Variants in ST6GALNAC3 observed in about 807,000 individuals in gnomAD.
The protein encoded by ST6GALNAC3 is ST6 N-acetylgalactosaminide alpha-2,6-sialyltransferase 3, also known as alpha-N-acetylgalactosaminide alpha-2,6-sialyltransferase 3.
Under a neutral mutation model 32.7 loss-of-function variants are expected in ST6GALNAC3, and 25 were observed. That is an observed-to-expected ratio of 0.76 (90% CI 0.56 to 1.07). The LOEUF (loss-of-function observed/expected upper bound fraction) is 1.07. ST6GALNAC3 is among the 50% of genes least tolerant of loss of function. The pLI is 0.00. For missense variants in ST6GALNAC3, 355 were observed against 382.4 expected (o/e 0.93, Z 0.60); for synonymous variants, 129 against 133.1 (o/e 0.97, Z 0.21).
chr1:76,343,962 C>T (rs1435940609), intron 2 of ST6GALNAC3, among the ~76,000 whole-genome samples: 1 of 152,142 alleles, frequency 6.6e-6, no homozygotes, highest in Non-Finnish European at 1.5e-5. Context: ...CACTAGATGT[C>T]AGGCATTGAG....
intron 1 of ST6GALNAC3, among the ~76,000 whole-genome samples, chr1:76,312,734 G>A (rs1391403644): frequency 6.6e-6 from 1 of 152,106 alleles, no homozygotes; most frequent in South Asian, 2.1e-4. Flanking sequence ...ACTTAGTATA[G>A]ATGTATTAGC....
At chr1:76,430,890 T>A (rs1655705919) in intron 3 of ST6GALNAC3, among the ~76,000 whole-genome samples, 1 of 152,220 alleles carries the variant, frequency 6.6e-6, no homozygotes, top group Admixed American at 6.5e-5. Flanking sequence ...TGCCTGGAGC[T>A]GATTTCATAC....
At chr1:76,289,478 C>T (rs9437408) in intron 1 of ST6GALNAC3, among the ~76,000 whole-genome samples, 1 of 151,954 alleles carries the variant, frequency 6.6e-6, no homozygotes, top group Non-Finnish European at 1.5e-5. Context: ...AGTTAGCTTA[C>T]ATCATGGGTT....
At position 76,591,456 on chromosome 1, in the gene ST6GALNAC3, G is replaced by T. The variant is rs1271043686; in HGVS notation, c.624-35996G>T. ...GATGTGCCTGTATTTTTTCCAGAGA[G>T]CCCAGGGCAAGTGTGTATGATGCAG... On this transcript the variant is annotated intron_variant, in intron 3 of 4. Coordinates refer to ENST00000328299, the MANE Select transcript of ST6GALNAC3 (RefSeq NM_152996.4). Among the ~76,000 whole-genome samples the T allele has an allele frequency of 2.0e-5, 3 of 152,088 alleles. No individual in the cohort carries two copies. The South Asian group carries it at 6.2e-4, about 32-fold the overall frequency.
chr1:76,378,730 G>T (rs1651456998), intron 2 of ST6GALNAC3, among the ~76,000 whole-genome samples: 1 of 151,990 alleles, frequency 6.6e-6, no homozygotes, highest in South Asian at 2.1e-4. Flanking sequence ...ATCGTGGTAT[G>T]ATGGCGCTTC....
intron 3 of ST6GALNAC3, among the ~76,000 whole-genome samples, chr1:76,523,370 G>A (rs1662672681): frequency 6.6e-6 from 1 of 151,936 alleles, no homozygotes; most frequent in Admixed American, 6.6e-5. Context: ...TTGGGTTTTG[G>A]ACCCATGGCC....
At chr1:76,324,141 C>T (rs1647023575) in intron 2 of ST6GALNAC3, among the ~76,000 whole-genome samples, 1 of 152,190 alleles carries the variant, frequency 6.6e-6, no homozygotes. Context: ...CAGGTGTGAG[C>T]CACCATGCCC....
At chr1:76,152,553 A>G (rs567638252) in intron 1 of ST6GALNAC3, among the ~76,000 whole-genome samples, 1 of 152,328 alleles carries the variant, frequency 6.6e-6, no homozygotes, top group East Asian at 1.9e-4. Flanking sequence ...GGTAATGTTC[A>G]TAGTGAAGCA....
chr1:76,242,597 C>G (rs1332824765), intron 1 of ST6GALNAC3, among the ~76,000 whole-genome samples: 1 of 152,066 alleles, frequency 6.6e-6, no homozygotes, highest in Non-Finnish European at 1.5e-5. Flanking sequence ...TAATGCTCTC[C>G]CTCCCCTTTC....
chr1:76,335,457 A>ACT (rs67690818), intron 2 of ST6GALNAC3, among the ~76,000 whole-genome samples: 26,682 of 145,614 alleles, frequency 0.18, 3,183 homozygotes, highest in African/African-American at 0.36. Context: ...ACACACACAC[A>ACT]CTCACACTCA....
intron 1 of ST6GALNAC3, among the ~76,000 whole-genome samples, chr1:76,076,531 C>A (rs1646818561): frequency 6.6e-6 from 1 of 152,150 alleles, no homozygotes; most frequent in Non-Finnish European, 1.5e-5. Flanking sequence ...GCCTTAGTTT[C>A]TTCAATATAA....
At position 76,494,468 on chromosome 1, in the gene ST6GALNAC3, T is replaced by TATATATATACAC. The variant is rs1472545640; in HGVS notation, c.623+82052_623+82053insTATATATACACA. 3.5e-3 allele frequency among the ~76,000 whole-genome samples: 209 copies of TATATATATACAC among 59,532 alleles called. 18 individuals carry two copies. The highest frequency in any genetic ancestry group is 4.8e-3 in the East Asian group (6 of 1,252). 39.1% of individuals were successfully genotyped at this position (59,532 alleles called of 152,430 possible). On this transcript the variant is annotated intron_variant, in intron 3 of 4. Transcript: ENST00000328299. The stretch of plus-strand genomic sequence containing the variant: ...ATATATATATATATATATATATATA[T>TATATATATACAC]ACACACACACACACACACTTTCCCT...
chr1:76,528,401 G>A (rs1313507267), intron 3 of ST6GALNAC3, among the ~76,000 whole-genome samples: 1 of 151,916 alleles, frequency 6.6e-6, no homozygotes, highest in African/African-American at 2.4e-5. Context: ...GGTCTTCTTC[G>A]GGATCCTGGA....
At chr1:76,537,115 A>C (rs1027333898) in intron 3 of ST6GALNAC3, among the ~76,000 whole-genome samples, 2 of 152,164 alleles carry the variant, frequency 1.3e-5, no homozygotes, top group Non-Finnish European at 2.9e-5. Flanking sequence ...AAATGCAAAA[A>C]AACTGAAATT....
At chr1:76,273,239 T>A (rs570737623) in intron 1 of ST6GALNAC3, among the ~76,000 whole-genome samples, 17 of 152,216 alleles carry the variant, frequency 1.1e-4, no homozygotes, top group African/African-American at 4.1e-4. Flanking sequence ...CAGAAAATAC[T>A]TTTAAAAACT....
At chr1:76,214,119 C>T (rs990271630) in intron 1 of ST6GALNAC3, among the ~76,000 whole-genome samples, 3 of 152,044 alleles carry the variant, frequency 2.0e-5, no homozygotes, top group Non-Finnish European at 2.9e-5. Context: ...CCTCCCTAGC[C>T]GCACAGCCCA....
chr1:76,376,520 T>A lies in ST6GALNAC3; in HGVS notation c.214-35488T>A, dbSNP rs115722922. ...TAATCTGTTCTCCAAAGCCATAATT[T>A]TGCCATTTTAAGAACGTTGTATAAA... On this transcript the variant is annotated intron_variant, in intron 2 of 4. Coordinates refer to ENST00000328299, the MANE Select transcript of ST6GALNAC3 (RefSeq NM_152996.4). Among the ~76,000 whole-genome samples, 586 of 152,328 alleles carry A rather than the reference T, an allele frequency of 3.8e-3. 4 individuals are homozygous for A. The highest frequency in any genetic ancestry group is 0.014 in the African/African-American group (563 of 41,580).
Position 76,204,487 on chromosome 1 carries a change from G to A in ST6GALNAC3, c.19-109318G>A, listed in dbSNP as rs568633671. Among the ~76,000 whole-genome samples, 4 of 152,262 alleles carry A rather than the reference G, an allele frequency of 2.6e-5. No homozygotes were observed. The East Asian group carries it at 7.7e-4, about 29-fold the overall frequency. On this transcript the variant is annotated intron_variant, in intron 1 of 4. Coordinates refer to ENST00000328299, the MANE Select transcript of ST6GALNAC3 (RefSeq NM_152996.4). ...CTGTCTGTTTGCAGAGGGGAGTTGG[G>A]TGGAACTGGGTGCTCTGGGAGTACT...
chr1:76,328,701 A>G (rs1034795802), intron 2 of ST6GALNAC3, among the ~76,000 whole-genome samples: 2 of 152,196 alleles, frequency 1.3e-5, no homozygotes, highest in African/African-American at 2.4e-5. Flanking sequence ...TTAAAGAACT[A>G]GGGGATATGG....
Sources: gnomAD v4.1 joint callset for allele counts (sites outside exome capture counted in the v4.1 genomes callset) on GRCh38, gnomAD v4.1.1 for gene constraint, MANE v1.5 for transcripts, NCBI Gene and HGNC (gene_info 2026-07-23, HGNC 2026-07-21) for gene names.